The following SAXO1 variants were observed in gnomAD, a reference collection of about 807,000 sequenced individuals.
SAXO1 encodes stabilizer of axonemal microtubules 1, also known as 4930500O09Rik.
SAXO1 carries 21 observed loss-of-function variants against 17.5 expected under a neutral mutation model. That is an observed-to-expected ratio of 1.20 (90% CI 0.85 to 1.72). The LOEUF is 1.72. SAXO1 is among the 40% of genes most tolerant of loss of function. The pLI is 0.00. For synonymous variants in SAXO1, 274 were observed against 216.5 expected (o/e 1.27, Z -2.33); for missense variants, 843 against 596.0 (o/e 1.41, Z -4.32).
At position 18,929,072 on chromosome 9, in the gene SAXO1, A is replaced by G; in HGVS notation, c.422-17T>C. 6.2e-7 allele frequency: 1 copy of G among 1,610,574 alleles called. No individual in the cohort carries two copies. Among genetic ancestry groups the G allele is most frequent in the Non-Finnish European group, 8.5e-7 (1 of 1,178,364 alleles). ...AATAATCAGCTGAAATTAAAGCAGA[A>G]GAGGTAATTAATAATAAATCAAGTC... On this transcript the variant is annotated splice_polypyrimidine_tract_variant and intron_variant, in intron 3 of 3. Transcript: ENST00000380534.
intron 2 of SAXO1, 47 bp from the exon 3 acceptor site, chr9:18,941,886 A>C: frequency 1.3e-6 from 2 of 1,572,588 alleles, no homozygotes; most frequent in Non-Finnish European, 8.7e-7. Context: ...GCTTGCGATA[A>C]GGCTTATGTT....
At chr9:19,008,106 C>T (rs566870480) in intron 1 of SAXO1, among the ~76,000 whole-genome samples, 21 of 151,998 alleles carry the variant, frequency 1.4e-4, no homozygotes, top group Non-Finnish European at 2.8e-4. Context: ...TAGCTGGGAG[C>T]TGGGACTACA....
chr9:19,028,886 C>G (rs1485845617), intron 1 of SAXO1, among the ~76,000 whole-genome samples: 1 of 152,204 alleles, frequency 6.6e-6, no homozygotes, highest in Non-Finnish European at 1.5e-5. Flanking sequence ...CTTTCCTGAG[C>G]TCTGCTGGAC....
chr9:18,967,376 A>G (rs1832760447), intron 1 of SAXO1, among the ~76,000 whole-genome samples: 1 of 148,730 alleles, frequency 6.7e-6, no homozygotes, highest in South Asian at 2.1e-4. Flanking sequence ...GCTCTGTCCC[A>G]GGGAGATGGG....
At chr9:19,024,451 G>C (rs1835387504) in intron 1 of SAXO1, among the ~76,000 whole-genome samples, 1 of 151,562 alleles carries the variant, frequency 6.6e-6, no homozygotes. Context: ...GTGGGGTGGG[G>C]CGAGGGGGGG....
intron 1 of SAXO1, among the ~76,000 whole-genome samples, chr9:18,966,759 A>G (rs1355939925): frequency 6.6e-6 from 1 of 152,142 alleles, no homozygotes; most frequent in East Asian, 1.9e-4. Flanking sequence ...CGTCAAACTC[A>G]TTCTCTGTCT....
chr9:18,948,523 G>C (rs74663721), intron 2 of SAXO1, among the ~76,000 whole-genome samples: 2 of 152,130 alleles, frequency 1.3e-5, no homozygotes, highest in African/African-American at 2.4e-5. Flanking sequence ...CTCTGACTCC[G>C]GCAGGGGCAG....
intron 1 of SAXO1, among the ~76,000 whole-genome samples, chr9:19,019,823 T>C (rs1835149871): frequency 6.6e-6 from 1 of 152,122 alleles, no homozygotes; most frequent in Non-Finnish European, 1.5e-5. Context: ...CCAAATCCAC[T>C]TTCACGCAAT....
intron 3 of SAXO1, among the ~76,000 whole-genome samples, chr9:18,935,336 G>A (rs751768282): frequency 1.3e-5 from 2 of 152,126 alleles, no homozygotes; most frequent in African/African-American, 4.8e-5. Context: ...TGTGGGTTAG[G>A]AAAAACACAT....
chr9:19,003,362 T>C (rs1031946987), intron 1 of SAXO1, among the ~76,000 whole-genome samples: 1 of 152,146 alleles, frequency 6.6e-6, no homozygotes, highest in African/African-American at 2.4e-5. Flanking sequence ...CAAGCTACCA[T>C]TGACTTTCTT....
chr9:19,048,630 T>G (rs915287203), intron 1 of SAXO1, among the ~76,000 whole-genome samples: 4 of 152,216 alleles, frequency 2.6e-5, no homozygotes, highest in African/African-American at 4.8e-5. Flanking sequence ...GTTAGGCAAA[T>G]AGACCGCAGC....
chr9:18,971,428 A>G (rs1441863456), intron 1 of SAXO1, among the ~76,000 whole-genome samples: 1 of 151,166 alleles, frequency 6.6e-6, no homozygotes, highest in Non-Finnish European at 1.5e-5. Flanking sequence ...AATAGGAGCC[A>G]AATCCCCTAT....
Position 19,033,034 on chromosome 9 carries a change from G to T in SAXO1, c.-126C>A. ...GTCTTGGCAGGTGTTCTGTTTACTCGAAGGAAAATTTAAGTGGCCCTTTTG... is the reference window on the plus strand; with the variant it reads ...GTCTTGGCAGGTGTTCTGTTTACTCTAAGGAAAATTTAAGTGGCCCTTTTG... On this transcript the variant is annotated 5_prime_UTR_variant, in exon 1 of 4. Coordinates refer to ENST00000380534, the MANE Select transcript of SAXO1 (RefSeq NM_153707.4). The T allele has an allele frequency of 9.8e-7, 1 of 1,021,130 alleles. No individual in the cohort carries two copies. The highest frequency in any genetic ancestry group is 1.9e-5 in the South Asian group (1 of 51,786). 63.3% of individuals were successfully genotyped at this position (1,021,130 alleles called of 1,614,324 possible).
intron 3 of SAXO1, among the ~76,000 whole-genome samples, chr9:18,940,963 G>C (rs946401453): frequency 6.6e-6 from 1 of 152,158 alleles, no homozygotes; most frequent in Non-Finnish European, 1.5e-5. Context: ...ATTCTCATTG[G>C]GGAGGGTAAC....
intron 1 of SAXO1, among the ~76,000 whole-genome samples, chr9:18,974,222 A>C (rs1833051200): frequency 6.6e-6 from 1 of 152,254 alleles, no homozygotes; most frequent in Non-Finnish European, 1.5e-5. Context: ...ATCTACTTCT[A>C]AACATGGAAA....
At chr9:18,953,703 C>G (rs1185223567) in intron 1 of SAXO1, among the ~76,000 whole-genome samples, 1 of 152,142 alleles carries the variant, frequency 6.6e-6, no homozygotes, top group East Asian at 1.9e-4. Context: ...CCCTCATTAA[C>G]CAGGAATCCC....
chr9:18,977,159 T>TA (rs1833185430), intron 1 of SAXO1, among the ~76,000 whole-genome samples: 1 of 152,236 alleles, frequency 6.6e-6, no homozygotes, highest in Non-Finnish European at 1.5e-5. Flanking sequence ...ACAGTTATAA[T>TA]AAATTTGTTG....
intron 1 of SAXO1, among the ~76,000 whole-genome samples, chr9:19,041,571 C>T (rs1318642133): frequency 6.6e-6 from 1 of 152,158 alleles, no homozygotes; most frequent in Non-Finnish European, 1.5e-5. Context: ...GTAACCAAAA[C>T]AGCATGGTAC....
intron 1 of SAXO1, among the ~76,000 whole-genome samples, chr9:19,039,353 T>C (rs1836020285): frequency 6.6e-6 from 1 of 152,214 alleles, no homozygotes; most frequent in Non-Finnish European, 1.5e-5. Flanking sequence ...ACTCTAGGCT[T>C]TTAGCTCTCA....
Sources: allele counts gnomAD v4.1 joint callset (sites outside exome capture counted in the v4.1 genomes callset), GRCh38; gene constraint gnomAD v4.1.1; transcripts MANE v1.5; gene names NCBI Gene and HGNC (gene_info 2026-07-23, HGNC 2026-07-21).